MAN2A2: variants seen among roughly 807,000 people sequenced by gnomAD.
The protein encoded by MAN2A2 is alpha-mannosidase 2x.
MAN2A2 carries 79 observed loss-of-function variants against 126.8 expected under a neutral mutation model. The observed-to-expected ratio is 0.62, with a 90% CI of 0.52 to 0.75. The LOEUF (loss-of-function observed/expected upper bound fraction) is 0.75, where lower values mean the gene tolerates loss of function less well. MAN2A2 is among the 30% of genes least tolerant of loss of function. The pLI is 0.00. For synonymous variants in MAN2A2, 671 were observed against 618.7 expected (o/e 1.08, Z -1.25); for missense variants, 1,392 against 1,522.4 (o/e 0.91, Z 1.43).
Position 90,905,716 on chromosome 15 carries a change from T to C in MAN2A2, c.528T>C (p.Asn176=), listed in dbSNP as rs2034225302. The C allele has an allele frequency of 6.2e-7, 1 of 1,613,956 alleles. No individual in the cohort carries two copies. Among genetic ancestry groups the C allele is most frequent in the Non-Finnish European group, 8.5e-7 (1 of 1,179,966 alleles). The change falls in exon 4 of 23, where the codon AAT becomes AAC. Residue 176 remains asparagine (N), a synonymous_variant. Transcript: ENST00000559717. ...TGTTTGTGGTGCCCCACTCTCACAA[T>C]GACCCAGGTGAGGGCCCTGCAGACT... ...LQVFVVPHSH[N]DPGWIKTFDK...
intron 9 of MAN2A2, among the ~76,000 whole-genome samples, chr15:90,909,794 G>A (rs1360544289): frequency 1.3e-5 from 2 of 152,148 alleles, no homozygotes; most frequent in Non-Finnish European, 2.9e-5. Context: ...TAGTAGAGAT[G>A]GGGTTTCACT....
rs2035534280 is a variant in MAN2A2, at chr15:90,921,348, G to A, written c.*1561G>A. Reference sequence around the variant, plus strand: ...ACTTTGGAATTGACAGTTCTAAAGTGCATTTGGGAGAGTGAATGTGTGAGA... The same window carrying A: ...ACTTTGGAATTGACAGTTCTAAAGTACATTTGGGAGAGTGAATGTGTGAGA... On this transcript the variant is annotated 3_prime_UTR_variant, in exon 23 of 23. Coordinates refer to ENST00000559717, the MANE Select transcript of MAN2A2 (RefSeq NM_006122.4). 1 of 152,162 alleles carries A rather than the reference G, an allele frequency of 6.6e-6. No homozygotes were observed. Among genetic ancestry groups the A allele is most frequent in the Non-Finnish European group, 1.5e-5 (1 of 68,028 alleles). The allele number at this position is 152,162 out of a possible 1,614,324, so 9.4% of individuals were successfully genotyped here. A position where few individuals can be genotyped will look rare whatever the true frequency, so the allele number is the denominator to read the frequency against.
rs944336737 is a variant in MAN2A2, at chr15:90,916,383, C to T, written c.2994+127C>T. 8.3e-6 allele frequency: 11 copies of T among 1,321,348 alleles called. No individual in the cohort carries two copies. The African/African-American group carries it at 1.5e-4, about 18-fold the overall frequency. The allele number at this position is 1,321,348 out of a possible 1,614,324, so 81.9% of individuals were successfully genotyped here. A position where few individuals can be genotyped will look rare whatever the true frequency, so the allele number is the denominator to read the frequency against. On this transcript the variant is annotated intron_variant, in intron 20 of 22. Transcript: ENST00000559717. ...AAGAGAGAGAGAGTAGGGCTGAATT[C>T]CTGGGGTGGGGGGAGGCAGTCTGGC...
At position 90,909,416 on chromosome 15, in the gene MAN2A2, A is replaced by G. The variant is rs150534133; in HGVS notation, c.1286A>G (p.Tyr429Cys). ...GTGCCTCTTGGAGATGACTTCCGAT[A>G]TGACAAGCCCCAGGAGTGGGATGCC... The part of the protein sequence containing the change: ...LLVPLGDDFR[Y>C]DKPQEWDAQF... The change falls in exon 9 of 23, where the codon TAT becomes TGT. Residue 429 changes from tyrosine (Y) to cysteine (C), a missense_variant. Physicochemically the swap from Tyr to Cys is radical, Grantham distance 194. Coordinates refer to ENST00000559717, the MANE Select transcript of MAN2A2 (RefSeq NM_006122.4). 20 of 1,614,000 alleles carry G rather than the reference A, an allele frequency of 1.2e-5. No homozygotes were observed. Among genetic ancestry groups the G allele is most frequent in the Non-Finnish European group, 1.6e-5 (19 of 1,180,012 alleles).
At chr15:90,911,062 C>A in intron 12 of MAN2A2, 101 bp downstream of exon 12, 1 of 1,478,852 alleles carries the variant, frequency 6.8e-7, no homozygotes, top group Non-Finnish European at 9.4e-7. Flanking sequence ...CCTTCCCCAT[C>A]CGGATGAGTT....
At chr15:90,911,876 A>G (rs1035112782) in intron 14 of MAN2A2, 167 bp from the exon 15 acceptor site, 8 of 675,194 alleles carry the variant, frequency 1.2e-5, no homozygotes, top group East Asian at 2.5e-5. Flanking sequence ...AGAATCATAA[A>G]GTCTGATGAG....
chr15:90,903,989 G>T, intron 1 of MAN2A2: 1 of 625,956 alleles, frequency 1.6e-6, no homozygotes, highest in Non-Finnish European at 2.9e-6. Context: ...CCAGCCAAAG[G>T]AGAGCGTCCT....
At chr15:90,903,527 G>T in intron 1 of MAN2A2, 95 bp downstream of exon 1, 1 of 155,722 alleles carries the variant, frequency 6.4e-6, no homozygotes, top group Non-Finnish European at 1.4e-5. Flanking sequence ...CCTTCCCAGG[G>T]GGCCTTCGGC....
intron 13 of MAN2A2, 23 bp downstream of exon 13, chr15:90,911,261 C>T (rs190359848): frequency 6.2e-7 from 1 of 1,613,708 alleles, no homozygotes; most frequent in East Asian, 2.2e-5. Flanking sequence ...ACGCCATGTG[C>T]AGAGAGGCAG....
intron 22 of MAN2A2, 47 bp from the exon 23 acceptor site, chr15:90,919,588 G>C (rs2035443500): frequency 2.5e-6 from 4 of 1,599,914 alleles, no homozygotes; most frequent in Non-Finnish European, 8.5e-7. Context: ...ACATTCTTTA[G>C]TGTCTCGGCA....
chr15:90,911,174 G>T lies in MAN2A2; in HGVS notation c.1879G>T (p.Asp627Tyr). ...DPEAPFLQVD[D>Y]TRLSHDALPE... The stretch of plus-strand genomic sequence containing the variant: ...CTTCCGGCTCACTGAATTCCAGGAT[G>T]ACACTCGCTTAAGTCACGACGCCCT... Residue 627 changes from aspartate to tyrosine, a missense_variant, in exon 13 of 23, where the codon GAC (aspartate) becomes TAC (tyrosine). Transcript: ENST00000559717. The T allele has an allele frequency of 6.2e-7, 1 of 1,613,998 alleles. No homozygotes were observed. The highest frequency in any genetic ancestry group is 1.1e-5 in the South Asian group (1 of 91,054).
Position 90,918,294 on chromosome 15 carries a change from A to T in MAN2A2, c.3095A>T (p.Gln1032Leu), listed in dbSNP as rs369185701. 23 of 1,614,176 alleles carry T rather than the reference A, an allele frequency of 1.4e-5. No individual in the cohort carries two copies. The African/African-American group carries it at 2.8e-4, about 20-fold the overall frequency. Residue 1032 changes from glutamine to leucine, a missense_variant, in exon 21 of 23, where the codon CAG becomes CTG. By Grantham distance (113) the Gln-to-Leu change is moderately radical. Coordinates refer to ENST00000559717, the MANE Select transcript of MAN2A2 (RefSeq NM_006122.4). ...CTCGCTCTGCCTGTAGCCAGGATGCAGCTCCCAGGCCCTGGTCTGCGCTCA... is the reference window on the plus strand; with the variant it reads ...CTCGCTCTGCCTGTAGCCAGGATGCTGCTCCCAGGCCCTGGTCTGCGCTCA... Reference protein sequence around the residue: ...PALALPVARMQLPGPGLRSFH... With the variant: ...PALALPVARMLLPGPGLRSFH...
In MAN2A2 at chr15:90,916,256, G is replaced by C; in HGVS notation, c.2994G>C (p.Glu998Asp). The C allele has an allele frequency of 6.2e-7, 1 of 1,613,598 alleles. No individual in the cohort carries two copies. Among genetic ancestry groups the C allele is most frequent in the Non-Finnish European group, 8.5e-7 (1 of 1,179,770 alleles). Residue 998 changes from glutamate to aspartate, a missense_variant and splice_region_variant, in exon 20 of 23, where the codon GAG becomes GAC. Transcript: ENST00000559717. ...LLLERRTVGS[E>D]VQDSHSTSYP... is the part of the protein sequence containing the mutation. ...TAGAGCGGCGAACCGTGGGCAGTGA[G>C]GTAACATCTGGGGCTGACGCCCAGG...
In MAN2A2 at chr15:90,916,272, G is replaced by A. The variant is rs1049115137; in HGVS notation, c.2994+16G>A. 1.2e-6 allele frequency: 2 copies of A among 1,611,104 alleles called. No individual in the cohort carries two copies. The highest frequency in any genetic ancestry group is 1.7e-6 in the Non-Finnish European group (2 of 1,178,144). ...GGGCAGTGAGGTAACATCTGGGGCT[G>A]ACGCCCAGGGAGCCAGGTCTGGCTA... On this transcript the variant is annotated intron_variant, in intron 20 of 22. Transcript: ENST00000559717.
chr15:90,908,790 G>A (rs763498305), intron 8 of MAN2A2, among the ~76,000 whole-genome samples: 1 of 152,076 alleles, frequency 6.6e-6, no homozygotes, highest in Admixed American at 6.6e-5. Context: ...TGGCCAGGCT[G>A]GTCTTGAATT....
chr15:90,905,199 C>G, intron 2 of MAN2A2, 52 bp from the exon 3 acceptor site: 2 of 1,588,780 alleles, frequency 1.3e-6, no homozygotes, highest in South Asian at 2.2e-5. Context: ...AAGCAGAGAC[C>G]CTCCCTGTGG....
chr15:90,907,080 C>T (rs2034356682), intron 7 of MAN2A2, 167 bp downstream of exon 7: 1 of 938,078 alleles, frequency 1.1e-6, no homozygotes, highest in African/African-American at 1.6e-5. Flanking sequence ...CCATATTGAC[C>T]TCTGGCCTCT....
In MAN2A2 at chr15:90,916,264, C is replaced by A. The variant is rs1191652730; in HGVS notation, c.2994+8C>A. 6.2e-7 allele frequency: 1 copy of A among 1,612,332 alleles called. No homozygotes were observed. The highest frequency in any genetic ancestry group is 1.1e-5 in the South Asian group (1 of 91,022). ...CGAACCGTGGGCAGTGAGGTAACAT[C>A]TGGGGCTGACGCCCAGGGAGCCAGG... On this transcript the variant is annotated splice_region_variant and intron_variant, in intron 20 of 22. Coordinates refer to ENST00000559717, the MANE Select transcript of MAN2A2 (RefSeq NM_006122.4).
intron 14 of MAN2A2, 50 bp from the exon 15 acceptor site, chr15:90,911,993 C>T: frequency 6.7e-7 from 1 of 1,487,892 alleles, no homozygotes. Context: ...CCTCAGCACC[C>T]CTGTGGCGAA....
Sources: allele counts gnomAD v4.1 joint callset (sites outside exome capture counted in the v4.1 genomes callset), GRCh38; gene constraint gnomAD v4.1.1; transcripts MANE v1.5; gene names NCBI Gene and HGNC (gene_info 2026-07-23, HGNC 2026-07-21).